RANBP17: variants seen among roughly 807,000 people sequenced by gnomAD.
RANBP17 encodes RAN binding protein 17.
Under a neutral mutation model 141.2 loss-of-function variants are expected in RANBP17, and 158 were observed. The ratio of observed to expected loss-of-function variants is 1.12; its 90% CI spans 0.98 to 1.28. The LOEUF (loss-of-function observed/expected upper bound fraction) is 1.28, where lower values mean the gene tolerates loss of function less well. RANBP17 is among the 50% of genes most tolerant of loss of function. RANBP17 has a pLI of 0.00. For missense variants in RANBP17, 1,438 were observed against 1,290.7 expected, an observed-to-expected ratio of 1.11 and a Z score of -1.75; for synonymous variants, 430 against 450.0, an observed-to-expected ratio of 0.96 and a Z score of 0.56.
chr5:171,140,913 G>T (rs1330996244), intron 14 of RANBP17, among the ~76,000 whole-genome samples: 1 of 152,120 alleles, frequency 6.6e-6, no homozygotes, highest in African/African-American at 2.4e-5. Context: ...CACTACCTGT[G>T]TCTTACTCCC....
At chr5:171,031,774 C>T (rs1781565103) in intron 14 of RANBP17, among the ~76,000 whole-genome samples, 2 of 151,916 alleles carry the variant, frequency 1.3e-5, no homozygotes, top group South Asian at 4.1e-4. Context: ...AATATTCCAC[C>T]TAGCTTTTCT....
chr5:171,176,622 CT>C (rs1381323682), intron 16 of RANBP17, among the ~76,000 whole-genome samples: 1 of 152,052 alleles, frequency 6.6e-6, no homozygotes, highest in African/African-American at 2.4e-5. Flanking sequence ...TCTATTTCTT[CT>C]GTTTAAATTT....
At chr5:171,229,734 T>G (rs1243478922) in intron 22 of RANBP17, among the ~76,000 whole-genome samples, 2 of 126,372 alleles carry the variant, frequency 1.6e-5, no homozygotes, top group Non-Finnish European at 3.3e-5. Context: ...CTGTGAGAGA[T>G]AGGAAGATAA....
At chr5:171,213,829 A>G (rs2127972894) in intron 21 of RANBP17, 91 bp downstream of exon 21, 3 of 962,082 alleles carry the variant, frequency 3.1e-6, no homozygotes, top group East Asian at 2.4e-5. Context: ...GTGTCTTTCC[A>G]AGGTAGTTAG....
intron 19 of RANBP17, among the ~76,000 whole-genome samples, chr5:171,203,599 T>A (rs923229936): frequency 6.6e-6 from 1 of 151,128 alleles, no homozygotes; most frequent in South Asian, 2.1e-4. Flanking sequence ...TTTGCCACTT[T>A]AAAAAAAAAG....
intron 1 of RANBP17, among the ~76,000 whole-genome samples, chr5:170,877,076 AG>A (rs1768242137): frequency 6.6e-6 from 1 of 151,936 alleles, no homozygotes; most frequent in African/African-American, 2.4e-5. Flanking sequence ...GATCGTCATG[AG>A]ATTAGATTTA....
chr5:171,287,541 C>G (rs1437886336), intron 25 of RANBP17, among the ~76,000 whole-genome samples: 1 of 150,242 alleles, frequency 6.7e-6, no homozygotes, highest in African/African-American at 2.4e-5. Context: ...TTCTATGGTG[C>G]ATACCCTATT....
Position 171,174,751 on chromosome 5 carries a change from A to AGTGTGTGTGTGT in RANBP17, c.1865+3496_1865+3507dup, listed in dbSNP as rs57948503. On this transcript the variant is annotated intron_variant, in intron 16 of 27. Transcript: ENST00000523189. Reference sequence around the variant, plus strand: ...ACATGAGAAAACTAAAAATATCTAGAGTGTGTGTGTGTGTGTGTGTGTGTG... The same window carrying AGTGTGTGTGTGT: ...ACATGAGAAAACTAAAAATATCTAGAGTGTGTGTGTGTGTGTGTGTGTGTGTGTGTGTGTGTG... Among the ~76,000 whole-genome samples the AGTGTGTGTGTGT allele has an allele frequency of 1.8e-3, 248 of 135,708 alleles. 2 individuals carry two copies. Among genetic ancestry groups the AGTGTGTGTGTGT allele is most frequent in the African/African-American group, 4.9e-3 (176 of 35,852 alleles). 89.0% of individuals were successfully genotyped at this position (135,708 alleles called of 152,430 possible).
intron 18 of RANBP17, among the ~76,000 whole-genome samples, chr5:171,198,445 A>C (rs1317281772): frequency 1.3e-5 from 2 of 152,242 alleles, no homozygotes; most frequent in Admixed American, 1.3e-4. Flanking sequence ...CAGCCAGATC[A>C]GCCACTCCTT....
intron 1 of RANBP17, chr5:170,866,957 AAGTTCATC>A (rs1310775173): frequency 6.6e-6 from 1 of 152,166 alleles, no homozygotes; most frequent in Non-Finnish European, 1.5e-5. Context: ...TGTCTCCACT[AAGTTCATC>A]AGTAATATTG....
chr5:170,997,163 A>G (rs1316543402), intron 14 of RANBP17, among the ~76,000 whole-genome samples: 6 of 152,054 alleles, frequency 3.9e-5, no homozygotes, highest in African/African-American at 1.4e-4. Flanking sequence ...CTTGTGAAGA[A>G]CTTGCATTGT....
At chr5:170,988,205 T>A (rs1272448282) in intron 14 of RANBP17, among the ~76,000 whole-genome samples, 1 of 151,622 alleles carries the variant, frequency 6.6e-6, no homozygotes, top group African/African-American at 2.4e-5. Context: ...TGTGGATAAA[T>A]GCACAAAGTA....
At chr5:170,926,050 A>C (rs1426227786) in intron 12 of RANBP17, among the ~76,000 whole-genome samples, 2 of 152,180 alleles carry the variant, frequency 1.3e-5, no homozygotes, top group Admixed American at 1.3e-4. Flanking sequence ...CTGTTAAACT[A>C]TTTTACAAAG....
intron 25 of RANBP17, among the ~76,000 whole-genome samples, chr5:171,284,031 G>A (rs1298351192): frequency 1.2e-4 from 19 of 152,208 alleles, no homozygotes; most frequent in Admixed American, 1.2e-3. Flanking sequence ...ATTGGGAAAT[G>A]TTTGGTGACT....
chr5:171,122,046 C>T (rs1392858461), intron 14 of RANBP17, among the ~76,000 whole-genome samples: 1 of 152,104 alleles, frequency 6.6e-6, no homozygotes, highest in African/African-American at 2.4e-5. Flanking sequence ...TTTTTGGTGG[C>T]ATTGGGGGCT....
At chr5:170,955,681 T>TACACACAC (rs1554141333) in intron 13 of RANBP17, among the ~76,000 whole-genome samples, 3 of 39,090 alleles carry the variant, frequency 7.7e-5, no homozygotes, top group Admixed American at 3.2e-4. Context: ...TATATATATA[T>TACACACAC]ACACTGAATG....
At chr5:170,958,129 C>T (rs1435804592) in intron 13 of RANBP17, among the ~76,000 whole-genome samples, 1 of 152,196 alleles carries the variant, frequency 6.6e-6, no homozygotes, top group Admixed American at 6.5e-5. Context: ...CAGAACAACT[C>T]ATGACTGGGG....
In RANBP17 at chr5:170,911,124, T is replaced by A; in HGVS notation, c.750T>A (p.Thr250=). The change falls in exon 7 of 28, where the codon ACT becomes ACA. Residue 250 remains threonine (T), a synonymous_variant. Transcript: ENST00000523189. ...DDLCTVQIPT[T]WRTIFLEPET... ...TTTGCACGGTGCAGATTCCAACAACTTGGAGAACAAGTAAGAAAAAACTTT... is the reference window on the plus strand; with the variant it reads ...TTTGCACGGTGCAGATTCCAACAACATGGAGAACAAGTAAGAAAAAACTTT... 1 of 1,611,032 alleles carries A rather than the reference T, an allele frequency of 6.2e-7. No homozygotes were observed.
At chr5:171,174,705 C>T (rs1397699917) in intron 16 of RANBP17, among the ~76,000 whole-genome samples, 2 of 148,474 alleles carry the variant, frequency 1.3e-5, no homozygotes, top group Non-Finnish European at 3.0e-5. Context: ...TGGTGGTTGG[C>T]CTTTATTACA....
Sources: gnomAD v4.1 joint callset for allele counts (sites outside exome capture counted in the v4.1 genomes callset) on GRCh38, gnomAD v4.1.1 for gene constraint, MANE v1.5 for transcripts, NCBI Gene and HGNC (gene_info 2026-07-23, HGNC 2026-07-21) for gene names.